Variants in WDR72 observed in about 807,000 individuals in gnomAD.
The protein encoded by WDR72 is WD repeat-containing protein 72.
WDR72 carries 120 observed loss-of-function variants against 124.2 expected under a neutral mutation model. The observed-to-expected ratio is 0.97, with a 90% CI of 0.83 to 1.12. WDR72 has a LOEUF of 1.12. WDR72 is among the 50% of genes most tolerant of loss of function. The pLI is 0.00. For missense variants in WDR72, 1,387 were observed against 1,278.8 expected (o/e 1.08, Z -1.29); for synonymous variants, 452 against 441.7 (o/e 1.02, Z -0.29).
intron 18 of WDR72, among the ~76,000 whole-genome samples, chr15:53,530,412 G>A (rs1906418): frequency 0.099 from 15,007 of 151,542 alleles, 871 homozygotes; most frequent in East Asian, 0.24. Flanking sequence ...AAACTAATTC[G>A]CACTCTTTAT....
chr15:53,595,375 C>T (rs1327275216), intron 18 of WDR72, among the ~76,000 whole-genome samples: 2 of 152,114 alleles, frequency 1.3e-5, no homozygotes, highest in Admixed American at 1.3e-4. Context: ...AACTCAGCCT[C>T]CCAAGTAGCT....
rs1555428779 is a variant in WDR72, at chr15:53,726,264, G to GTGTGTGTA, written c.154-3357_154-3356insTACACACA. The stretch of plus-strand genomic sequence containing the variant: ...TGTGTGTATATATATATGTATGTGT[G>GTGTGTGTA]TATATATATATATATATATATACAC... On this transcript the variant is annotated intron_variant, in intron 2 of 19. Transcript: ENST00000360509. Among the ~76,000 whole-genome samples, 370 of 110,352 alleles carry GTGTGTGTA rather than the reference G, an allele frequency of 3.4e-3. 9 individuals are homozygous for GTGTGTGTA. Among genetic ancestry groups the GTGTGTGTA allele is most frequent in the African/African-American group, 0.014 (308 of 21,968 alleles). 72.4% of individuals were successfully genotyped at this position (110,352 alleles called of 152,430 possible). A position where few individuals can be genotyped will look rare whatever the true frequency, so the allele number is the denominator to read the frequency against.
rs1197590772 is a variant in WDR72, at chr15:53,702,250, C to T, written c.1453G>A (p.Gly485Arg). 6.2e-7 allele frequency: 1 copy of T among 1,613,962 alleles called. No individual in the cohort carries two copies. Among genetic ancestry groups the T allele is most frequent in the Non-Finnish European group, 8.5e-7 (1 of 1,180,016 alleles). ...SKLDQSWMLS[G>R]DLDSCVILWD... ...AAGATCACACATGAGTCCAGGTCCC[C>T]AGACAACATCCAACTTTGGTCTAAT... Residue 485 changes from glycine (G) to arginine (R), a missense_variant, in exon 12 of 20, where the codon GGG (glycine) becomes AGG (arginine). Physicochemically the swap from Gly to Arg is moderately radical, Grantham distance 125. Coordinates refer to ENST00000360509, the MANE Select transcript of WDR72 (RefSeq NM_182758.4).
At chr15:53,707,906 T>C (rs112375871) in intron 9 of WDR72, among the ~76,000 whole-genome samples, 2 of 152,310 alleles carry the variant, frequency 1.3e-5, no homozygotes, top group African/African-American at 4.8e-5. Context: ...CTGGTTATTC[T>C]GATTTGAAAA....
intron 18 of WDR72, among the ~76,000 whole-genome samples, chr15:53,560,212 A>C (rs1226415207): frequency 6.6e-6 from 1 of 151,916 alleles, no homozygotes; most frequent in Non-Finnish European, 1.5e-5. Context: ...AAGGTCTTTC[A>C]TGGTGCTCTC....
rs1330608459 is a variant in WDR72, at chr15:53,616,017, C to A, written c.2189G>T (p.Ser730Ile). Residue 730 changes from serine (S) to isoleucine (I), a missense_variant, in exon 15 of 20, where the codon AGT becomes ATT. Physicochemically the swap from Ser to Ile is moderately radical, Grantham distance 142 (BLOSUM62 -2). Transcript: ENST00000360509. ...VEKKTLTLRK[S>I]KTACGPLSAE... is the part of the protein sequence containing the mutation. Reference sequence around the variant, plus strand: ...TGAAAGAGGACCACAGGCAGTTTTACTTTTTCTCAGTGTCAGTGTCTTCTT... The same window carrying A: ...TGAAAGAGGACCACAGGCAGTTTTAATTTTTCTCAGTGTCAGTGTCTTCTT... 9 of 1,613,174 alleles carry A rather than the reference C, an allele frequency of 5.6e-6. No homozygotes were observed. The East Asian group carries it at 2.0e-4, about 36-fold the overall frequency.
At chr15:53,731,009 C>T (rs745896505) in intron 2 of WDR72, among the ~76,000 whole-genome samples, 12 of 135,094 alleles carry the variant, frequency 8.9e-5, no homozygotes, top group Non-Finnish European at 1.6e-4. Flanking sequence ...CTATGGTTAG[C>T]CGTAGAAAAT....
intron 1 of WDR72, among the ~76,000 whole-genome samples, chr15:53,734,538 G>C (rs1165458435): frequency 6.6e-6 from 1 of 152,056 alleles, no homozygotes; most frequent in Admixed American, 6.6e-5. Context: ...TCCTGACCAA[G>C]CTTATCAATA....
At chr15:53,636,307 T>C (rs1423046388) in intron 14 of WDR72, among the ~76,000 whole-genome samples, 2 of 152,206 alleles carry the variant, frequency 1.3e-5, no homozygotes, top group Non-Finnish European at 2.9e-5. Flanking sequence ...TTGTCAATCC[T>C]AACCTGATCT....
At chr15:53,657,034 GC>G (rs1370019335) in intron 14 of WDR72, among the ~76,000 whole-genome samples, 1 of 151,994 alleles carries the variant, frequency 6.6e-6, no homozygotes, top group Non-Finnish European at 1.5e-5. Context: ...GGAGGCCAAG[GC>G]GGGCAGATCA....
chr15:53,656,965 T>G (rs2015440884), intron 14 of WDR72, among the ~76,000 whole-genome samples: 1 of 151,776 alleles, frequency 6.6e-6, no homozygotes, highest in Non-Finnish European at 1.5e-5. Context: ...GGCTACATGT[T>G]TTTAAAAAGG....
chr15:53,591,204 C>G (rs1285708317), intron 18 of WDR72, among the ~76,000 whole-genome samples: 2 of 152,034 alleles, frequency 1.3e-5, no homozygotes, highest in Admixed American at 1.3e-4. Flanking sequence ...TCCCTAGTCT[C>G]TGCTCTGGCA....
intron 13 of WDR72, among the ~76,000 whole-genome samples, chr15:53,678,432 T>C (rs2016254320): frequency 6.6e-6 from 1 of 152,188 alleles, no homozygotes; most frequent in African/African-American, 2.4e-5. Context: ...TAGTCTTTGG[T>C]GGGCTCTTAA....
chr15:53,626,775 G>A (rs574656949), intron 14 of WDR72, among the ~76,000 whole-genome samples: 1 of 152,240 alleles, frequency 6.6e-6, no homozygotes, highest in Non-Finnish European at 1.5e-5. Flanking sequence ...CAAGCTCCAT[G>A]TTTAAAGGTG....
intron 1 of WDR72, among the ~76,000 whole-genome samples, chr15:53,743,418 C>T (rs1476140595): frequency 6.6e-6 from 1 of 151,912 alleles, no homozygotes; most frequent in African/African-American, 2.4e-5. Context: ...AAGACCAAAA[C>T]AGCATTTGTG....
rs180882463 is a variant in WDR72, at chr15:53,701,497, C to T, written c.1569+637G>A. Among the ~76,000 whole-genome samples, 243 of 151,304 alleles carry T rather than the reference C, an allele frequency of 1.6e-3. 2 individuals are homozygous for T. Among genetic ancestry groups the T allele is most frequent in the African/African-American group, 5.5e-3 (228 of 41,206 alleles). On this transcript the variant is annotated intron_variant, in intron 12 of 19. Coordinates refer to ENST00000360509, the MANE Select transcript of WDR72 (RefSeq NM_182758.4). ...TTGAGGCTGCAGTGAGCCATGATCA[C>T]GCCACTGTACTCCAGCCTGGATGAC...
chr15:53,732,877 A>T (rs940290710), intron 2 of WDR72, 120 bp downstream of exon 2: 1 of 1,191,070 alleles, frequency 8.4e-7, no homozygotes, highest in Non-Finnish European at 1.2e-6. Context: ...TCAATTTATT[A>T]CTTTAATAAA....
At chr15:53,652,655 T>A (rs1423711681) in intron 14 of WDR72, among the ~76,000 whole-genome samples, 2 of 152,202 alleles carry the variant, frequency 1.3e-5, no homozygotes, top group African/African-American at 4.8e-5. Flanking sequence ...GCTCCTGATA[T>A]ACAACGCAAT....
At chr15:53,675,482 T>A (rs1232077665) in intron 13 of WDR72, among the ~76,000 whole-genome samples, 1 of 152,226 alleles carries the variant, frequency 6.6e-6, no homozygotes, top group Non-Finnish European at 1.5e-5. Context: ...ATACATTTAA[T>A]TAATTGTACA....
Sources: allele counts gnomAD v4.1 joint callset (sites outside exome capture counted in the v4.1 genomes callset), GRCh38; gene constraint gnomAD v4.1.1; transcripts MANE v1.5; gene names NCBI Gene and HGNC (gene_info 2026-07-23, HGNC 2026-07-21).